The following NANP variants were observed in gnomAD, a reference collection of about 807,000 sequenced individuals.
The protein encoded by NANP is N-acylneuraminate-9-phosphatase.
Under a neutral mutation model 16.9 loss-of-function variants are expected in NANP, and 15 were observed. The ratio of observed to expected loss-of-function variants is 0.89; its 90% CI spans 0.59 to 1.37. The LOEUF (loss-of-function observed/expected upper bound fraction) is 1.37, where lower values mean the gene tolerates loss of function less well. Among genes scored for constraint, NANP ranks in the 40% most tolerant of loss-of-function variants. NANP has a pLI of 0.00. For synonymous variants in NANP, 135 were observed against 112.6 expected (o/e 1.20, Z -1.26); for missense variants, 290 against 303.5 (o/e 0.96, Z 0.33).
chr20:25,622,209 G>C (rs980825728), intron 1 of NANP, among the ~76,000 whole-genome samples: 1 of 152,194 alleles, frequency 6.6e-6, no homozygotes, highest in African/African-American at 2.4e-5. Context: ...GGTAAACCTG[G>C]AGACAAGCCC....
chr20:25,622,462 C>G (rs2065368829), intron 1 of NANP, among the ~76,000 whole-genome samples: 1 of 152,214 alleles, frequency 6.6e-6, no homozygotes, highest in Non-Finnish European at 1.5e-5. Flanking sequence ...TTTGGGAGAG[C>G]TGTGATTCAT....
chr20:25,617,806 T>C (rs1172032028), intron 1 of NANP, among the ~76,000 whole-genome samples: 1 of 152,180 alleles, frequency 6.6e-6, no homozygotes, highest in Admixed American at 6.5e-5. Context: ...CATGAGCCAC[T>C]GCGCCCGGCC....
chr20:25,622,548 A>ATTAAT (rs1756864882), intron 1 of NANP, among the ~76,000 whole-genome samples: 1 of 152,240 alleles, frequency 6.6e-6, no homozygotes, highest in East Asian at 1.9e-4. Context: ...TTTAATTGAA[A>ATTAAT]TGCACAGGAC....
At chr20:25,619,294 A>AT (rs1232975900) in intron 1 of NANP, among the ~76,000 whole-genome samples, 4 of 151,676 alleles carry the variant, frequency 2.6e-5, no homozygotes, top group East Asian at 1.9e-4. Flanking sequence ...CAGCTAATAA[A>AT]TTTTTTTTGT....
In NANP at chr20:25,613,628, C is replaced by T; in HGVS notation, c.*2297G>A. 1 of 395,848 alleles carries T rather than the reference C, an allele frequency of 2.5e-6. No homozygotes were observed. 24.5% of individuals were successfully genotyped at this position (395,848 alleles called of 1,614,324 possible). A position where few individuals can be genotyped will look rare whatever the true frequency, so the allele number is the denominator to read the frequency against. ...TTTTAAAATATTTTCTGTAACATTC[C>T]ACTCAGAAGGTAGATAACCACAAAG... On this transcript the variant is annotated 3_prime_UTR_variant, in exon 2 of 2. Transcript: ENST00000304788.
chr20:25,621,844 C>T (rs1568989192), intron 1 of NANP, among the ~76,000 whole-genome samples: 2 of 152,186 alleles, frequency 1.3e-5, no homozygotes, highest in Admixed American at 6.5e-5. Flanking sequence ...TGAGCCACCG[C>T]GCCCGGCCCA....
In NANP at chr20:25,620,654, C is replaced by T. The variant is rs184318552; in HGVS notation, c.90+3205G>A. ...GTGCACCTGACAGCACTAACTTACG[C>T]ACACCCTTAGAATGACCCTGTGGTC... On this transcript the variant is annotated intron_variant, in intron 1 of 1. Transcript: ENST00000304788. 1.1e-3 allele frequency among the ~76,000 whole-genome samples: 173 copies of T among 152,330 alleles called. 1 individual carries two copies. Among genetic ancestry groups the T allele is most frequent in the Middle Eastern group, 6.8e-3 (2 of 294 alleles).
Position 25,615,893 on chromosome 20 carries a change from C to T in NANP, c.*32G>A. ...TTATTTCATACTCAGCAAATTGATT[C>T]TAACATTCATAATCATGCCCTTTTA... On this transcript the variant is annotated 3_prime_UTR_variant, in exon 2 of 2. Coordinates refer to ENST00000304788, the MANE Select transcript of NANP (RefSeq NM_152667.3). The T allele has an allele frequency of 1.3e-6, 2 of 1,552,974 alleles. No homozygotes were observed. Among genetic ancestry groups the T allele is most frequent in the Non-Finnish European group, 1.7e-6 (2 of 1,149,532 alleles).
At position 25,620,266 on chromosome 20, in the gene NANP, A is replaced by C. The variant is rs1006871512; in HGVS notation, c.90+3593T>G. On this transcript the variant is annotated intron_variant, in intron 1 of 1. Coordinates refer to ENST00000304788, the MANE Select transcript of NANP (RefSeq NM_152667.3). ...GAGGCGTGATGATACTTTGTGTCTGACTGGTAAGGCAGGGCTGAAAAAGAT... is the reference window on the plus strand; with the variant it reads ...GAGGCGTGATGATACTTTGTGTCTGCCTGGTAAGGCAGGGCTGAAAAAGAT... Among the ~76,000 whole-genome samples, 63 of 152,204 alleles carry C rather than the reference A, an allele frequency of 4.1e-4. 3 individuals carry two copies.
intron 1 of NANP, among the ~76,000 whole-genome samples, chr20:25,619,075 G>A (rs1381151708): frequency 6.7e-6 from 1 of 149,808 alleles, no homozygotes; most frequent in East Asian, 2.0e-4. Context: ...GAACGCATGT[G>A]TTTTTCTTCC....
chr20:25,621,535 T>C (rs774249094), intron 1 of NANP, among the ~76,000 whole-genome samples: 1 of 152,232 alleles, frequency 6.6e-6, no homozygotes, highest in Non-Finnish European at 1.5e-5. Flanking sequence ...GGCTGGACCT[T>C]TCCCTCTTCC....
chr20:25,623,820 T>G, intron 1 of NANP, 39 bp downstream of exon 1: 1 of 1,572,732 alleles, frequency 6.4e-7, no homozygotes, highest in Non-Finnish European at 8.7e-7. Context: ...CGGGGCGCAC[T>G]GACCCCGCCC....
In NANP at chr20:25,615,822, TTATTCTTA is replaced by T; in HGVS notation, c.*95_*102del. 8.5e-7 allele frequency: 1 copy of T among 1,178,546 alleles called. No individual in the cohort carries two copies. The highest frequency in any genetic ancestry group is 1.2e-6 in the Non-Finnish European group (1 of 843,468). 73.0% of individuals were successfully genotyped at this position (1,178,546 alleles called of 1,614,324 possible). On this transcript the variant is annotated 3_prime_UTR_variant, in exon 2 of 2. Transcript: ENST00000304788. ...ATTGGCCATTAAATCATAAGTAAAA[TTATTCTTA>T]GAGCTGGATTATCATAAGTGGAGTG...
In NANP at chr20:25,614,607, A is replaced by C. The variant is rs1293395208; in HGVS notation, c.*1318T>G. ...TCCAAGAATGTGAAAAACAGAGGAA[A>C]TTTAAGGCAGATGGTAACTCTAAGA... On this transcript the variant is annotated 3_prime_UTR_variant, in exon 2 of 2. Coordinates refer to ENST00000304788, the MANE Select transcript of NANP (RefSeq NM_152667.3). 6.6e-6 allele frequency: 1 copy of C among 152,206 alleles called. No homozygotes were observed. Among genetic ancestry groups the C allele is most frequent in the Non-Finnish European group, 1.5e-5 (1 of 68,034 alleles). 9.4% of individuals were successfully genotyped at this position (152,206 alleles called of 1,614,324 possible).
intron 1 of NANP, among the ~76,000 whole-genome samples, chr20:25,617,468 T>C (rs1449494973): frequency 1.3e-5 from 2 of 152,050 alleles, no homozygotes; most frequent in Non-Finnish European, 2.9e-5. Flanking sequence ...TGCCTCGGCC[T>C]CCAAATTACT....
At position 25,614,643 on chromosome 20, in the gene NANP, G is replaced by A. The variant is rs1009835146; in HGVS notation, c.*1282C>T. On this transcript the variant is annotated 3_prime_UTR_variant, in exon 2 of 2. Transcript: ENST00000304788. Reference sequence around the variant, plus strand: ...ATGGTAACTCTAAGAAGAGTCACACGAGTATTAAATTGGCCCTCAGGAAAT... The same window carrying A: ...ATGGTAACTCTAAGAAGAGTCACACAAGTATTAAATTGGCCCTCAGGAAAT... The A allele has an allele frequency of 1.3e-5, 2 of 152,160 alleles. No homozygotes were observed. The highest frequency in any genetic ancestry group is 1.3e-4 in the Admixed American group (2 of 15,282). The allele number at this position is 152,160 out of a possible 1,614,324, so 9.4% of individuals were successfully genotyped here. A position where few individuals can be genotyped will look rare whatever the true frequency, so the allele number is the denominator to read the frequency against.
chr20:25,613,744 A>C lies in NANP; in HGVS notation c.*2181T>G. 1 of 398,470 alleles carries C rather than the reference A, an allele frequency of 2.5e-6. No homozygotes were observed. Among genetic ancestry groups the C allele is most frequent in the East Asian group, 3.6e-5 (1 of 28,056 alleles). 24.7% of individuals were successfully genotyped at this position (398,470 alleles called of 1,614,324 possible). A position where few individuals can be genotyped will look rare whatever the true frequency, so the allele number is the denominator to read the frequency against. ...TGAAGACAAGGAAATTTAATTATTC[A>C]ATTTTTTCCTTCTACATCATTTCTG... is the stretch of plus-strand genomic sequence containing the variant. On this transcript the variant is annotated 3_prime_UTR_variant, in exon 2 of 2. Transcript: ENST00000304788.
At chr20:25,622,408 T>C (rs943796311) in intron 1 of NANP, among the ~76,000 whole-genome samples, 3 of 152,222 alleles carry the variant, frequency 2.0e-5, no homozygotes, top group Non-Finnish European at 2.9e-5. Context: ...TATGAAGATA[T>C]AAGGCTCCGA....
At chr20:25,619,057 T>A (rs78746282) in intron 1 of NANP, among the ~76,000 whole-genome samples, 4,831 of 151,552 alleles carry the variant, frequency 0.032, 237 homozygotes, top group African/African-American at 0.11. Context: ...ACTCACCTAC[T>A]GAGAGAGGAA....
Sources: gnomAD v4.1 joint callset for allele counts (sites outside exome capture counted in the v4.1 genomes callset) on GRCh38, gnomAD v4.1.1 for gene constraint, MANE v1.5 for transcripts, NCBI Gene and HGNC (gene_info 2026-07-23, HGNC 2026-07-21) for gene names.